Variants in HCRTR2 observed in about 807,000 individuals in gnomAD.
The protein encoded by HCRTR2 is hypocretin receptor 2, also known as orexin receptor type 2.
A neutral mutation model predicts 49.0 loss-of-function variants in HCRTR2; 22 were observed. The ratio of observed to expected loss-of-function variants is 0.45; its 90% CI spans 0.32 to 0.64. The LOEUF is 0.64. Ranked by LOEUF, HCRTR2 falls within the 30% of genes least tolerant of loss-of-function variation. The pLI, the probability that HCRTR2 is intolerant of heterozygous loss-of-function variation, is 0.04. For missense variants in HCRTR2, 491 were observed against 559.4 expected, an observed-to-expected ratio of 0.88 and a Z score of 1.23; for synonymous variants, 236 against 205.3, an observed-to-expected ratio of 1.15 and a Z score of -1.28.
At chr6:55,204,751 A>G (rs945484151) in intron 1 of HCRTR2, among the ~76,000 whole-genome samples, 15 of 152,036 alleles carry the variant, frequency 9.9e-5, no homozygotes, top group African/African-American at 3.4e-4. Flanking sequence ...AAATCCTAAA[A>G]TATCCAAATC....
intron 1 of HCRTR2, among the ~76,000 whole-genome samples, chr6:55,215,503 T>C (rs1581834689): frequency 2.0e-5 from 3 of 152,204 alleles, no homozygotes; most frequent in Middle Eastern, 6.8e-3. Context: ...AGCTCATTGG[T>C]CAAAGATAGA....
chr6:55,270,351 A>G (rs1417230595), intron 4 of HCRTR2, among the ~76,000 whole-genome samples: 1 of 152,220 alleles, frequency 6.6e-6, no homozygotes, highest in African/African-American at 2.4e-5. Context: ...AGTAGGCCAC[A>G]GTTATACAAG....
chr6:55,276,897 C>T (rs1215567460), intron 4 of HCRTR2, among the ~76,000 whole-genome samples: 3 of 152,112 alleles, frequency 2.0e-5, no homozygotes, highest in Non-Finnish European at 4.4e-5. Flanking sequence ...AAGCAGAAAA[C>T]CTGAAAAGCT....
intron 1 of HCRTR2, among the ~76,000 whole-genome samples, chr6:55,185,198 C>T (rs1305400357): frequency 6.6e-6 from 1 of 152,056 alleles, no homozygotes; most frequent in Non-Finnish European, 1.5e-5. Context: ...GATAAAAATA[C>T]ATTAACAAAT....
Position 55,123,725 on chromosome 6 carries a change from G to C in HCRTR2, c.-378+17180G>C, listed in dbSNP as rs377731112. Among the ~76,000 whole-genome samples the C allele has an allele frequency of 1.7e-4, 26 of 152,194 alleles. No individual in the cohort carries two copies. The East Asian group carries it at 4.3e-3, about 25-fold the overall frequency. On this transcript the variant is annotated intron_variant, in intron 1 of 7. Coordinates refer to the HCRTR2 transcript ENST00000615358. ...CCTACCAGCTCCTTTTTCTACCTCT[G>C]GTAGAATTCGGCTGTGAATCCATCT...
rs150857880 is a variant in HCRTR2, at chr6:55,126,267, G to C, written c.-378+19722G>C. Reference sequence around the variant, plus strand: ...TGTCTTTGTGGATTTATCTACCTTTGGTCTTTGATGTGGGTGACCTTTGAA... The same window carrying C: ...TGTCTTTGTGGATTTATCTACCTTTCGTCTTTGATGTGGGTGACCTTTGAA... On this transcript the variant is annotated intron_variant, in intron 1 of 7. Transcript: ENST00000615358. Among the ~76,000 whole-genome samples, 509 of 152,182 alleles carry C rather than the reference G, an allele frequency of 3.3e-3. 7 individuals are homozygous for C. The highest frequency in any genetic ancestry group is 0.012 in the African/African-American group (483 of 41,542).
intron 1 of HCRTR2, among the ~76,000 whole-genome samples, chr6:55,243,094 G>T (rs1255301739): frequency 6.6e-6 from 1 of 152,114 alleles, no homozygotes; most frequent in East Asian, 1.9e-4. Flanking sequence ...GAAAGAACCG[G>T]TAAGACAAAT....
chr6:55,125,268 G>C (rs1184429808), intron 1 of HCRTR2, among the ~76,000 whole-genome samples: 1 of 152,032 alleles, frequency 6.6e-6, no homozygotes, highest in African/African-American at 2.4e-5. Context: ...TTCTTTCTAT[G>C]TTTAGCGCTT....
chr6:55,210,725 T>C lies in HCRTR2; in HGVS notation c.223+35915T>C, dbSNP rs1235016200. Among the ~76,000 whole-genome samples, 14 of 152,290 alleles carry C rather than the reference T, an allele frequency of 9.2e-5. No individual in the cohort carries two copies. In the South Asian group the frequency reaches 2.3e-3, roughly 25 times the overall value. On this transcript the variant is annotated intron_variant, in intron 1 of 6. Coordinates refer to ENST00000370862, the MANE Select transcript of HCRTR2 (RefSeq NM_001384272.1). ...TGTCTCTAGGCTCTGTAAGACATAT[T>C]TGCATCCTTACGACAAATTTCTACT...
intron 1 of HCRTR2, among the ~76,000 whole-genome samples, chr6:55,183,957 T>C (rs1325589328): frequency 6.6e-6 from 1 of 152,068 alleles, no homozygotes; most frequent in Non-Finnish European, 1.5e-5. Context: ...AGATAAAGTC[T>C]CACTCTGTTG....
At chr6:55,238,029 G>C (rs1428558933) in intron 1 of HCRTR2, among the ~76,000 whole-genome samples, 1 of 152,098 alleles carries the variant, frequency 6.6e-6, no homozygotes, top group Non-Finnish European at 1.5e-5. Flanking sequence ...TACATGTAAA[G>C]AAATTATATC....
At chr6:55,197,981 A>G (rs1486091296) in intron 1 of HCRTR2, among the ~76,000 whole-genome samples, 1 of 152,134 alleles carries the variant, frequency 6.6e-6, no homozygotes, top group African/African-American at 2.4e-5. Flanking sequence ...TCTAATTGTA[A>G]ACCTAACCTG....
intron 1 of HCRTR2, among the ~76,000 whole-genome samples, chr6:55,149,423 T>A (rs1413888141): frequency 6.6e-6 from 1 of 152,048 alleles, no homozygotes; most frequent in Admixed American, 6.6e-5. Flanking sequence ...CAACTGTGGG[T>A]AAAAAGTGAG....
chr6:55,263,961 T>A, intron 4 of HCRTR2, 139 bp downstream of exon 4: 1 of 683,102 alleles, frequency 1.5e-6, no homozygotes, highest in Non-Finnish European at 2.7e-6. Flanking sequence ...TGAACCAATA[T>A]AACATGTTCA....
At position 55,262,392 on chromosome 6, in the gene HCRTR2, TA is replaced by T. The variant is rs369285025; in HGVS notation, c.647-1312del. Among the ~76,000 whole-genome samples the T allele has an allele frequency of 1.0e-2, 1,358 of 136,320 alleles. 16 individuals are homozygous for T. The highest frequency in any genetic ancestry group is 0.044 in the East Asian group (217 of 4,926). The allele number at this position is 136,320 out of a possible 152,430, so 89.4% of individuals were successfully genotyped here. On this transcript the variant is annotated intron_variant, in intron 3 of 6. Transcript: ENST00000370862. ...TTATAGTTATATATAATATTATATA[TA>T]AATATATAATGTATTATATGTTATA...
chr6:55,208,833 T>C (rs1336828654), intron 1 of HCRTR2, among the ~76,000 whole-genome samples: 1 of 152,150 alleles, frequency 6.6e-6, no homozygotes, highest in African/African-American at 2.4e-5. Context: ...CAGATTTAGA[T>C]GAACCATACA....
chr6:55,254,407 A>G (rs968007140), intron 2 of HCRTR2, among the ~76,000 whole-genome samples: 6 of 152,234 alleles, frequency 3.9e-5, no homozygotes, highest in African/African-American at 1.2e-4. Flanking sequence ...TTATTTCCTT[A>G]AAGTGTCAAG....
intron 5 of HCRTR2, among the ~76,000 whole-genome samples, chr6:55,279,628 G>A (rs990975734): frequency 2.0e-5 from 3 of 151,496 alleles, no homozygotes; most frequent in African/African-American, 4.9e-5. Context: ...TTATTGAGTA[G>A]CTGTAAGTTA....
rs529826200 is a variant in HCRTR2, at chr6:55,151,120, A to G, written c.-377-23091A>G. 3.9e-5 allele frequency among the ~76,000 whole-genome samples: 6 copies of G among 152,170 alleles called. No homozygotes were observed. In the East Asian group the frequency reaches 1.2e-3, roughly 29 times the overall value. ...TTGCAGACCACTGGGTCTTGCCTCAATGTTGATGGTTGCTGACTTATGAGG... is the reference window on the plus strand; with the variant it reads ...TTGCAGACCACTGGGTCTTGCCTCAGTGTTGATGGTTGCTGACTTATGAGG... On this transcript the variant is annotated intron_variant, in intron 1 of 7. Transcript: ENST00000615358.
Sources: gnomAD v4.1 joint callset for allele counts (sites outside exome capture counted in the v4.1 genomes callset) on GRCh38, gnomAD v4.1.1 for gene constraint, MANE v1.5 for transcripts, NCBI Gene and HGNC (gene_info 2026-07-23, HGNC 2026-07-21) for gene names.